MAP7: variants seen among roughly 807,000 people sequenced by gnomAD.
MAP7 encodes ensconsin.
MAP7 carries 52 observed loss-of-function variants against 94.8 expected under a neutral mutation model. That is an observed-to-expected ratio of 0.55 (90% CI 0.44 to 0.69). The LOEUF (loss-of-function observed/expected upper bound fraction) is 0.69. MAP7 is among the 30% of genes least tolerant of loss of function. MAP7 has a pLI of 0.00. For synonymous variants in MAP7, 350 were observed against 357.0 expected (o/e 0.98, Z 0.22); for missense variants, 940 against 964.6 (o/e 0.97, Z 0.34).
chr6:136,431,819 T>C (rs1205351692), intron 1 of MAP7, among the ~76,000 whole-genome samples: 1 of 152,128 alleles, frequency 6.6e-6, no homozygotes, highest in East Asian at 1.9e-4. Flanking sequence ...TGCCCGGCCT[T>C]GATGCTTCTT....
intron 16 of MAP7, among the ~76,000 whole-genome samples, chr6:136,349,853 G>A (rs1296518033): frequency 6.6e-6 from 1 of 152,076 alleles, no homozygotes; most frequent in Non-Finnish European, 1.5e-5. Context: ...GTAGGGTTCA[G>A]GATACTTCTG....
At chr6:136,364,944 G>A (rs570740399) in intron 10 of MAP7, 1 of 152,394 alleles carries the variant, frequency 6.6e-6, no homozygotes, top group African/African-American at 2.4e-5. Flanking sequence ...TATGATAAAT[G>A]TTTGTTGTTG....
intron 1 of MAP7, among the ~76,000 whole-genome samples, chr6:136,434,013 G>A (rs1326467052): frequency 2.0e-5 from 3 of 152,086 alleles, no homozygotes; most frequent in African/African-American, 7.2e-5. Flanking sequence ...CTGCACAGAT[G>A]CTACACAAAC....
At chr6:136,439,170 T>C (rs1367803140) in intron 1 of MAP7, among the ~76,000 whole-genome samples, 1 of 152,176 alleles carries the variant, frequency 6.6e-6, no homozygotes, top group Non-Finnish European at 1.5e-5. Context: ...TGCCAACCTA[T>C]GACCCAATGT....
chr6:136,468,094 G>A (rs1018036671), intron 1 of MAP7, among the ~76,000 whole-genome samples: 2 of 152,052 alleles, frequency 1.3e-5, no homozygotes, highest in African/African-American at 2.4e-5. Context: ...GCATCAGAGC[G>A]TGTGACCACC....
intron 16 of MAP7, among the ~76,000 whole-genome samples, chr6:136,352,505 T>C (rs1789534956): frequency 6.6e-6 from 1 of 152,174 alleles, no homozygotes; most frequent in Admixed American, 6.5e-5. Flanking sequence ...TTTAGAATTC[T>C]CTTTCTTTTT....
intron 1 of MAP7, among the ~76,000 whole-genome samples, chr6:136,464,373 G>A (rs1158974761): frequency 6.6e-6 from 1 of 152,194 alleles, no homozygotes; most frequent in Non-Finnish European, 1.5e-5. Flanking sequence ...GGTGAGTACA[G>A]TACAATAAGA....
chr6:136,414,959 C>T (rs879560220), intron 2 of MAP7, among the ~76,000 whole-genome samples: 6 of 152,120 alleles, frequency 3.9e-5, no homozygotes, highest in Non-Finnish European at 8.8e-5. Flanking sequence ...AGATGACAGG[C>T]ATGCGCCACC....
chr6:136,387,785 A>C (rs1391536271), intron 5 of MAP7, among the ~76,000 whole-genome samples: 2 of 152,250 alleles, frequency 1.3e-5, no homozygotes, highest in Admixed American at 6.5e-5. Flanking sequence ...AAATAAAAAA[A>C]TAAAAACTGA....
intron 1 of MAP7, among the ~76,000 whole-genome samples, chr6:136,460,450 A>G (rs1804825584): frequency 6.6e-6 from 1 of 152,226 alleles, no homozygotes; most frequent in South Asian, 2.1e-4. Context: ...ATACACATGA[A>G]GCACTGTTTA....
intron 1 of MAP7, among the ~76,000 whole-genome samples, chr6:136,517,766 A>AC (rs5880297): frequency 0.26 from 40,259 of 151,984 alleles, 6,761 homozygotes; most frequent in African/African-American, 0.47. Flanking sequence ...TCTGACCTGT[A>AC]CCACTGACTA....
chr6:136,364,889 C>T (rs571300313), intron 10 of MAP7: 1 of 152,330 alleles, frequency 6.6e-6, no homozygotes, highest in Non-Finnish European at 1.5e-5. Flanking sequence ...GCAGGGACCA[C>T]CCAGCTGTGC....
At chr6:136,410,295 G>C (rs1787039942) in intron 3 of MAP7, among the ~76,000 whole-genome samples, 1 of 152,210 alleles carries the variant, frequency 6.6e-6, no homozygotes, top group Admixed American at 6.5e-5. Context: ...GCATGGACTT[G>C]AAAACAGAGT....
At chr6:136,517,698 C>CT (rs1825260539) in intron 1 of MAP7, among the ~76,000 whole-genome samples, 1 of 152,082 alleles carries the variant, frequency 6.6e-6, no homozygotes, top group South Asian at 2.1e-4. Context: ...TTTCTAAGCA[C>CT]TTTTTTCACA....
chr6:136,414,177 C>T (rs1441461867), intron 2 of MAP7, among the ~76,000 whole-genome samples: 22 of 136,456 alleles, frequency 1.6e-4, no homozygotes, highest in African/African-American at 5.4e-4. Flanking sequence ...GGCGTGAACC[C>T]GGGAGGCGGA....
At chr6:136,506,676 T>A (rs1821616327) in intron 1 of MAP7, among the ~76,000 whole-genome samples, 1 of 152,172 alleles carries the variant, frequency 6.6e-6, no homozygotes, top group Non-Finnish European at 1.5e-5. Context: ...CTGGATAAAT[T>A]CCTTTCACCT....
intron 1 of MAP7, among the ~76,000 whole-genome samples, chr6:136,519,598 C>T (rs1825821558): frequency 6.6e-6 from 1 of 152,130 alleles, no homozygotes; most frequent in East Asian, 1.9e-4. Context: ...GATTATATTT[C>T]GTTTGGAAAC....
intron 9 of MAP7, 135 bp downstream of exon 9, chr6:136,366,192 T>C: frequency 9.6e-7 from 1 of 1,043,042 alleles, no homozygotes. Flanking sequence ...TTTCTCTTTT[T>C]TCTTTCCTTT....
intron 1 of MAP7, among the ~76,000 whole-genome samples, chr6:136,423,788 T>G (rs1347556261): frequency 4.4e-4 from 60 of 136,746 alleles, no homozygotes; most frequent in African/African-American, 2.0e-3. Flanking sequence ...TTGTGTTTTT[T>G]TTTTTTGTTT....
Sources: allele counts gnomAD v4.1 joint callset (sites outside exome capture counted in the v4.1 genomes callset), GRCh38; gene constraint gnomAD v4.1.1; transcripts MANE v1.5; gene names NCBI Gene and HGNC (gene_info 2026-07-23, HGNC 2026-07-21).